MAP1B: variants seen among roughly 807,000 people sequenced by gnomAD.
MAP1B encodes microtubule associated protein 1B.
In MAP1B, 12 loss-of-function variants were observed where a neutral mutation model predicts 176.1. The ratio of observed to expected loss-of-function variants is 0.07; its 90% CI spans 0.04 to 0.11. The LOEUF (loss-of-function observed/expected upper bound fraction) is 0.11. Ranked by LOEUF, MAP1B falls within the 10% of genes least tolerant of loss-of-function variation. MAP1B has a pLI of 1.00. For missense variants in MAP1B, 2,523 were observed against 2,990.5 expected (o/e 0.84, Z 3.65); for synonymous variants, 1,044 against 1,135.0 (o/e 0.92, Z 1.61).
At chr5:72,168,997 C>T (rs1025149756) in intron 2 of MAP1B, among the ~76,000 whole-genome samples, 1 of 152,106 alleles carries the variant, frequency 6.6e-6, no homozygotes, top group Non-Finnish European at 1.5e-5. Context: ...CAGAGGTCAA[C>T]GGTACTCATC....
chr5:72,205,099 A>C lies in MAP1B; in HGVS notation c.7267A>C (p.Thr2423Pro). The C allele has an allele frequency of 1.2e-6, 2 of 1,612,674 alleles. No homozygotes were observed. Among genetic ancestry groups the C allele is most frequent in the Non-Finnish European group, 1.7e-6 (2 of 1,179,624 alleles). ...CTCCCTGCAGGTGACACTGATCCCAACTCATGACTCAGAAGTGATGAGGGA... is the reference window on the plus strand; with the variant it reads ...CTCCCTGCAGGTGACACTGATCCCACCTCATGACTCAGAAGTGATGAGGGA... The part of the protein sequence containing the change: ...GSNMQVTLIP[T>P]HDSEVMREWY... The change falls in exon 7 of 7, where the codon ACT becomes CCT. Residue 2423 changes from threonine (T) to proline (P), a missense_variant. Physicochemically the swap from Thr to Pro is conservative, Grantham distance 38. Transcript: ENST00000296755.
chr5:72,180,985 C>G (rs2112208333), intron 2 of MAP1B, among the ~76,000 whole-genome samples: 1 of 152,296 alleles, frequency 6.6e-6, no homozygotes, highest in African/African-American at 2.4e-5. Context: ...CCTGGCTTGA[C>G]CACTTACTAG....
At position 72,197,321 on chromosome 5, in the gene MAP1B, A is replaced by T. The variant is rs1747201845; in HGVS notation, c.3966A>T (p.Ser1322=). 1 of 1,614,092 alleles carries T rather than the reference A, an allele frequency of 6.2e-7. No individual in the cohort carries two copies. Among genetic ancestry groups the T allele is most frequent in the South Asian group, 1.1e-5 (1 of 91,086 alleles). The change falls in exon 5 of 7, where the codon TCA becomes TCT. Residue 1322 remains serine (S), a synonymous_variant. Coordinates refer to ENST00000296755, the MANE Select transcript of MAP1B (RefSeq NM_005909.5). ...AGGACAAGACTCTGGAAGTGGTGTCACCATCTCAGTCCGTGACTGGCAGTG... is the reference window on the plus strand; with the variant it reads ...AGGACAAGACTCTGGAAGTGGTGTCTCCATCTCAGTCCGTGACTGGCAGTG... The part of the protein sequence containing the change: ...SPEDKTLEVV[S]PSQSVTGSAG...
At chr5:72,121,416 A>G (rs895685487) in intron 2 of MAP1B, among the ~76,000 whole-genome samples, 3 of 152,244 alleles carry the variant, frequency 2.0e-5, no homozygotes, top group African/African-American at 7.2e-5. Context: ...ATTCACAAAA[A>G]TCATCATAAA....
At chr5:72,149,393 G>A (rs1047642928) in intron 2 of MAP1B, among the ~76,000 whole-genome samples, 4 of 152,200 alleles carry the variant, frequency 2.6e-5, no homozygotes, top group African/African-American at 9.7e-5. Context: ...AGGAGGGGCG[G>A]TAAGCAAAAT....
intron 2 of MAP1B, among the ~76,000 whole-genome samples, chr5:72,131,850 GTGTT>G: frequency 6.6e-6 from 1 of 152,306 alleles, no homozygotes; most frequent in East Asian, 1.9e-4. Flanking sequence ...ATCTCTCAGA[GTGTT>G]TGCTTTCTTC....
chr5:72,155,922 A>C (rs570136456), intron 2 of MAP1B, among the ~76,000 whole-genome samples: 1 of 151,986 alleles, frequency 6.6e-6, no homozygotes, highest in African/African-American at 2.4e-5. Flanking sequence ...GCCTGCCACC[A>C]TGCCTGGCTA....
chr5:72,181,112 T>C (rs1344767958), intron 2 of MAP1B, among the ~76,000 whole-genome samples: 2 of 152,212 alleles, frequency 1.3e-5, no homozygotes. Context: ...CGAAGCCATG[T>C]ATGTGAAGTC....
intron 4 of MAP1B, among the ~76,000 whole-genome samples, chr5:72,189,659 C>T (rs1163590398): frequency 6.6e-6 from 1 of 151,488 alleles, no homozygotes; most frequent in Non-Finnish European, 1.5e-5. Flanking sequence ...CTGCACTGCA[C>T]TCCAACCTGG....
In MAP1B at chr5:72,194,647, G is replaced by A. The variant is rs757296922; in HGVS notation, c.1292G>A (p.Ser431Asn). The change falls in exon 5 of 7, where the codon AGC becomes AAC. Residue 431 changes from serine (S) to asparagine (N), a missense_variant. By Grantham distance (46) the Ser-to-Asn change is conservative. Around this residue, in one of 4 missense-constraint regions of MAP1B, gnomAD observed 1,925 missense variants for 2,126.0 expected, o/e 0.91. Transcript: ENST00000296755. This position sits in a 1 kb window ranked among gnomAD's most constrained non-coding sequence, Gnocchi z 7.2. ...TATGTGCTTAATCCAGTCAAGAGCA[G>A]CAAGGAAATGCAGTATTTTATGCAG... ...EMYVLNPVKS[S>N]KEMQYFMQQW... 2 of 1,614,186 alleles carry A rather than the reference G, an allele frequency of 1.2e-6. No homozygotes were observed. Among genetic ancestry groups the A allele is most frequent in the Non-Finnish European group, 1.7e-6 (2 of 1,180,036 alleles).
intron 2 of MAP1B, among the ~76,000 whole-genome samples, chr5:72,122,404 A>G (rs1464310682): frequency 6.6e-6 from 1 of 152,172 alleles, no homozygotes; most frequent in Non-Finnish European, 1.5e-5. Context: ...TTAGAATTTT[A>G]TAGTGTACGC....
intron 3 of MAP1B, among the ~76,000 whole-genome samples, chr5:72,184,624 G>A (rs768444523): frequency 6.6e-6 from 1 of 152,164 alleles, no homozygotes; most frequent in Non-Finnish European, 1.5e-5. Flanking sequence ...GAAGCCAAGA[G>A]TCCCTGGTCA....
chr5:72,179,584 G>T (rs1746723560), intron 2 of MAP1B: 1 of 983,748 alleles, frequency 1.0e-6, no homozygotes, highest in African/African-American at 1.7e-5. Flanking sequence ...CCACGGGTAT[G>T]CCAGGGGTGG....
intron 2 of MAP1B, among the ~76,000 whole-genome samples, chr5:72,159,612 G>A (rs1746293410): frequency 1.3e-5 from 2 of 152,200 alleles, no homozygotes; most frequent in Admixed American, 1.3e-4. Flanking sequence ...TTTAACTTAT[G>A]CCCTGGAGGA....
At chr5:72,203,478 G>GTGTGATTGAGTGGGGAACA (rs1747375417) in intron 5 of MAP1B, 85 bp from the exon 6 acceptor site, 2 of 926,876 alleles carry the variant, frequency 2.2e-6, no homozygotes, top group Non-Finnish European at 3.5e-6. Flanking sequence ...AATAGGGAAG[G>GTGTGATTGAGTGGGGAACA]TGTGATTGAG....
chr5:72,145,647 T>G (rs1489937814), intron 2 of MAP1B, among the ~76,000 whole-genome samples: 1 of 152,178 alleles, frequency 6.6e-6, no homozygotes, highest in Non-Finnish European at 1.5e-5. Flanking sequence ...CAATATTCCA[T>G]TCAGACTCCA....
At position 72,186,225 on chromosome 5, in the gene MAP1B, C is replaced by T. The variant is rs573379315; in HGVS notation, c.370-389C>T. Among the ~76,000 whole-genome samples the T allele has an allele frequency of 1.3e-5, 2 of 152,234 alleles. No homozygotes were observed. The highest frequency in any genetic ancestry group is 4.8e-5 in the African/African-American group (2 of 41,528). ...CAGCCTGTGAGATAGTTCCGTCTTC[C>T]CTGGTTTCGCAGACCACGTGCTGCT... On this transcript the variant is annotated intron_variant, in intron 3 of 6. Transcript: ENST00000296755. The surrounding 1 kb of genome is among the most constrained non-coding windows in gnomAD (Gnocchi z 4.3).
At chr5:72,140,422 C>A (rs924053245) in intron 2 of MAP1B, among the ~76,000 whole-genome samples, 1 of 152,198 alleles carries the variant, frequency 6.6e-6, no homozygotes, top group Non-Finnish European at 1.5e-5. Context: ...TATTAAGAAA[C>A]ACTGGCTTTG....
At chr5:72,178,728 GT>G (rs1561307847) in intron 2 of MAP1B, among the ~76,000 whole-genome samples, 1,361 of 69,720 alleles carry the variant, frequency 0.02, 7 homozygotes, top group Admixed American at 0.041. Flanking sequence ...TCTGAGGGGT[GT>G]GTGTGTGTGT....
Sources: allele counts gnomAD v4.1 joint callset (sites outside exome capture counted in the v4.1 genomes callset), GRCh38; gene constraint gnomAD v4.1.1; regional missense constraint gnomAD v4.1.1; non-coding constraint Gnocchi (gnomAD v3.1); transcripts MANE v1.5; gene names NCBI Gene and HGNC (gene_info 2026-07-23, HGNC 2026-07-21).